Variants in MTF1 observed in about 807,000 individuals in gnomAD.
MTF1 encodes MRE-binding transcription factor.
MTF1 carries 22 observed loss-of-function variants against 70.4 expected under a neutral mutation model. That is an observed-to-expected ratio of 0.31 (90% CI 0.22 to 0.45). The LOEUF is 0.45. MTF1 is among the 20% of genes least tolerant of loss of function. The probability of loss-of-function intolerance (pLI) is 1.00; values close to 1 mark genes in which losing one functional copy is unlikely to be tolerated. For missense variants in MTF1, 649 were observed against 922.0 expected (o/e 0.70, Z 3.83); for synonymous variants, 333 against 352.8 (o/e 0.94, Z 0.63).
chr1:37,830,604 G>A lies in MTF1; in HGVS notation c.1068+1641C>T, dbSNP rs574052927. ...TCCACAGATTACCTTTTCTCTTGTG[G>A]AGGGATCATGTTTTCCTGTTTCTTC... On this transcript the variant is annotated intron_variant, in intron 7 of 10. Coordinates refer to ENST00000373036, the MANE Select transcript of MTF1 (RefSeq NM_005955.3). Among the ~76,000 whole-genome samples the A allele has an allele frequency of 1.6e-3, 248 of 152,370 alleles. 2 individuals carry two copies. Among genetic ancestry groups the A allele is most frequent in the African/African-American group, 5.8e-3 (240 of 41,588 alleles).
intron 1 of MTF1, among the ~76,000 whole-genome samples, chr1:37,858,016 A>T (rs1002340621): frequency 3.9e-4 from 10 of 25,548 alleles, no homozygotes; most frequent in Non-Finnish European, 1.6e-3. Flanking sequence ...CATCTCTAAT[A>T]AAAAAAAAAA....
intron 7 of MTF1, among the ~76,000 whole-genome samples, chr1:37,828,902 G>C (rs867556641): frequency 1.3e-5 from 2 of 152,082 alleles, no homozygotes; most frequent in African/African-American, 2.4e-5. Flanking sequence ...GGAGAATACA[G>C]GTAGCTGTCT....
rs1236185630 is a variant in MTF1 at position 37,840,422 on chromosome 1, TC to T, written c.409-265del. The T allele has an allele frequency of 5.7e-6, 3 of 528,172 alleles. No individual in the cohort carries two copies. Among genetic ancestry groups the T allele is most frequent in the Non-Finnish European group, 3.5e-6 (1 of 283,544 alleles). 32.7% of individuals were successfully genotyped at this position (528,172 alleles called of 1,614,324 possible). A position where few individuals can be genotyped will look rare whatever the true frequency, so the allele number is the denominator to read the frequency against. ...AATGAACATAAGAATGTTTTCAGACTCTATATACATCTACCCACTAAAAGTA... is the reference window on the plus strand; with the variant it reads ...AATGAACATAAGAATGTTTTCAGACTTATATACATCTACCCACTAAAAGTA... On this transcript the variant is annotated intron_variant, in intron 2 of 10. Coordinates refer to ENST00000373036, the MANE Select transcript of MTF1 (RefSeq NM_005955.3). This position sits in a 1 kb window ranked among gnomAD's most constrained non-coding sequence, Gnocchi z 4.5.
chr1:37,842,333 T>A (rs899320346), intron 2 of MTF1, among the ~76,000 whole-genome samples: 8 of 152,144 alleles, frequency 5.3e-5, no homozygotes, highest in African/African-American at 2.4e-5. Flanking sequence ...TTTAAAAATT[T>A]AAAAAATGGC....
chr1:37,823,666 C>T (rs1319318539), intron 8 of MTF1, 44 bp downstream of exon 8: 1 of 1,410,444 alleles, frequency 7.1e-7, no homozygotes, highest in African/African-American at 1.4e-5. Flanking sequence ...CTCAGTGTGT[C>T]AGCAAGTGCT....
Position 37,822,522 on chromosome 1 carries a change from C to T in MTF1, c.1366G>A (p.Ala456Thr). The change falls in exon 9 of 11, where the codon GCT becomes ACT. Residue 456 changes from alanine (A) to threonine (T), a missense_variant. Physicochemically the swap from Ala to Thr is moderately conservative, Grantham distance 58. Around this residue, in one of 7 missense-constraint regions of MTF1, gnomAD observed 267 missense variants for 292.1 expected, o/e 0.91. Coordinates refer to ENST00000373036, the MANE Select transcript of MTF1 (RefSeq NM_005955.3). ...APSLGPGSQQ[A>T]AFGNPPALLQ... ...AGAGCAGGGGGGTTGCCAAATGCAG[C>T]TTGCTGGGAGCCAGGTCCTAGGGAG... 2 of 1,614,068 alleles carry T rather than the reference C, an allele frequency of 1.2e-6. No homozygotes were observed. Among genetic ancestry groups the T allele is most frequent in the Non-Finnish European group, 1.7e-6 (2 of 1,180,018 alleles).
chr1:37,854,416 C>T (rs72917985), intron 2 of MTF1, among the ~76,000 whole-genome samples: 135 of 152,318 alleles, frequency 8.9e-4, no homozygotes, highest in African/African-American at 3.2e-3. Context: ...TCAATCCCAG[C>T]ACTATCACTA....
chr1:37,857,270 G>A lies in MTF1; in HGVS notation c.389C>T (p.Pro130Leu), dbSNP rs1444500488. 6 of 1,611,676 alleles carry A rather than the reference G, an allele frequency of 3.7e-6. No homozygotes were observed. Among genetic ancestry groups the A allele is most frequent in the East Asian group, 2.2e-5 (1 of 44,818 alleles). The change falls in exon 2 of 11, where the codon CCG becomes CTG. Residue 130 changes from proline to leucine, a missense_variant. Transcript: ENST00000373036. Reference protein sequence around the residue: ...GATLTLQSECPETKRKEVKRY... With the variant: ...GATLTLQSECLETKRKEVKRY... ...ACTTACTTCTTTACGTTTTGTTTCC[G>A]GACATTCCGACTGCAGAGTGAGGGT...
intron 9 of MTF1, among the ~76,000 whole-genome samples, chr1:37,818,797 A>G (rs1640862578): frequency 6.6e-6 from 1 of 151,738 alleles, no homozygotes; most frequent in Admixed American, 6.6e-5. Flanking sequence ...GATCGAGACC[A>G]TCCTGGCTAA....
At chr1:37,823,889 G>A in intron 7 of MTF1, 77 bp from the exon 8 acceptor site, 1 of 1,037,270 alleles carries the variant, frequency 9.6e-7, no homozygotes, top group South Asian at 1.4e-5. Context: ...ATTCAAAGCA[G>A]CAGAACTAGA....
At chr1:37,851,904 T>C (rs927182614) in intron 2 of MTF1, among the ~76,000 whole-genome samples, 4 of 151,422 alleles carry the variant, frequency 2.6e-5, no homozygotes, top group African/African-American at 9.7e-5. Context: ...GCCTCCTGTT[T>C]CCTCATCACT....
Position 37,838,838 on chromosome 1 carries a change from CTT to C in MTF1, c.648-84_648-83del, listed in dbSNP as rs985797232. On this transcript the variant is annotated intron_variant, in intron 3 of 10. Transcript: ENST00000373036. Reference sequence around the variant, plus strand: ...TTTTTTTCTGAGACAGAGTTTCGCTCTTGTCGCCCAGGCTGGAGTGCAATGGC... The same window carrying C: ...TTTTTTTCTGAGACAGAGTTTCGCTCGTCGCCCAGGCTGGAGTGCAATGGC... The C allele has an allele frequency of 1.6e-5, 15 of 933,736 alleles. 1 individual carries two copies. In the Middle Eastern group the frequency reaches 1.2e-3, roughly 74 times the overall value. 57.8% of individuals were successfully genotyped at this position (933,736 alleles called of 1,614,324 possible). A position where few individuals can be genotyped will look rare whatever the true frequency, so the allele number is the denominator to read the frequency against.
intron 7 of MTF1, among the ~76,000 whole-genome samples, chr1:37,829,889 G>A (rs1456129386): frequency 2.6e-5 from 4 of 152,114 alleles, no homozygotes; most frequent in Non-Finnish European, 5.9e-5. Flanking sequence ...TAAACACTGG[G>A]TACCAGGAGC....
intron 7 of MTF1, chr1:37,828,064 A>C (rs1304187357): frequency 3.2e-6 from 1 of 316,926 alleles, no homozygotes; most frequent in Non-Finnish European, 6.1e-6. Context: ...AACAAGAAGA[A>C]TGAATGACCT....
chr1:37,841,058 T>C, intron 2 of MTF1: 1 of 201,486 alleles, frequency 5.0e-6, no homozygotes. Context: ...CTAGCTCTTC[T>C]CCCTGCCCAT....
chr1:37,835,022 A>C (rs1380802596), intron 6 of MTF1, 57 bp downstream of exon 6: 3 of 1,579,898 alleles, frequency 1.9e-6, no homozygotes, highest in Non-Finnish European at 2.6e-6. Flanking sequence ...ATTGTGATAC[A>C]CAAACAACTG....
At chr1:37,828,299 TTTTG>T (rs1405363523) in intron 7 of MTF1, 5 of 392,888 alleles carry the variant, frequency 1.3e-5, no homozygotes, top group Non-Finnish European at 2.0e-5. Flanking sequence ...GGGAATGTTA[TTTTG>T]TTTGTTTTCT....
intron 7 of MTF1, among the ~76,000 whole-genome samples, chr1:37,829,108 A>T (rs747926139): frequency 1.4e-5 from 2 of 144,378 alleles, no homozygotes; most frequent in Non-Finnish European, 3.0e-5. Flanking sequence ...ACAAGTCCTG[A>T]TTCTCTCTTT....
intron 2 of MTF1, chr1:37,841,592 C>T (rs1442491096): frequency 5.5e-6 from 1 of 181,460 alleles, no homozygotes; most frequent in Non-Finnish European, 1.2e-5. Context: ...TTCACCAAGT[C>T]TCCCCGTCAG....
Sources: gnomAD v4.1 joint callset for allele counts (sites outside exome capture counted in the v4.1 genomes callset) on GRCh38, gnomAD v4.1.1 for gene constraint, gnomAD v4.1.1 regional missense constraint, Gnocchi (gnomAD v3.1) non-coding constraint, MANE v1.5 for transcripts, NCBI Gene and HGNC (gene_info 2026-07-23, HGNC 2026-07-21) for gene names.